PRKCB: variants seen among roughly 807,000 people sequenced by gnomAD.
The protein encoded by PRKCB is protein kinase C beta.
PRKCB carries 13 observed loss-of-function variants against 81.5 expected under a neutral mutation model. The ratio of observed to expected loss-of-function variants is 0.16; its 90% CI spans 0.10 to 0.25. The LOEUF (loss-of-function observed/expected upper bound fraction) is 0.25, where lower values mean the gene tolerates loss of function less well. Among genes scored for constraint, PRKCB ranks in the 10% least tolerant of loss-of-function variants. The probability of loss-of-function intolerance (pLI) is 1.00; values close to 1 mark genes in which losing one functional copy is unlikely to be tolerated. For synonymous variants in PRKCB, 335 were observed against 321.4 expected (o/e 1.04, Z -0.45); for missense variants, 509 against 875.7 (o/e 0.58, Z 5.29).
At chr16:24,213,242 C>A (rs146071361) in intron 16 of PRKCB, among the ~76,000 whole-genome samples, 1,591 of 151,996 alleles carry the variant, frequency 0.01, 12 homozygotes, top group Middle Eastern at 0.041. Context: ...ATCATGTTGG[C>A]TAGGATGGTC....
intron 2 of PRKCB, among the ~76,000 whole-genome samples, chr16:23,886,417 T>TTTTTTTG (rs1567302688): frequency 4.3e-5 from 6 of 140,192 alleles, no homozygotes; most frequent in African/African-American, 1.6e-4. Flanking sequence ...TTTTTTTTTT[T>TTTTTTTG]TTTTTTTTTT....
At chr16:24,007,332 T>A (rs189534301) in intron 3 of PRKCB, among the ~76,000 whole-genome samples, 1 of 152,220 alleles carries the variant, frequency 6.6e-6, no homozygotes, top group African/African-American at 2.4e-5. Flanking sequence ...AGTCCATCCT[T>A]ATTTTTGGAA....
At chr16:24,194,954 C>T (rs1237463345) in intron 16 of PRKCB, among the ~76,000 whole-genome samples, 1 of 152,066 alleles carries the variant, frequency 6.6e-6, no homozygotes, top group African/African-American at 2.4e-5. Context: ...CTGTAATCCC[C>T]ACACTTTGGA....
intron 12 of PRKCB, among the ~76,000 whole-genome samples, chr16:24,177,505 C>T (rs538561519): frequency 1.3e-5 from 2 of 152,166 alleles, no homozygotes; most frequent in Non-Finnish European, 2.9e-5. Flanking sequence ...GACAGATACT[C>T]ATTTCACAGC....
intron 2 of PRKCB, among the ~76,000 whole-genome samples, chr16:23,932,768 T>C (rs534909945): frequency 2.1e-4 from 32 of 152,376 alleles, no homozygotes; most frequent in Admixed American, 6.5e-4. Context: ...CAAACTGCTG[T>C]TCCTTTCCCT....
chr16:23,933,408 TGC>T lies in PRKCB; in HGVS notation c.206-55099_206-55098del, dbSNP rs558540415. Among the ~76,000 whole-genome samples, 16 of 152,280 alleles carry T rather than the reference TGC, an allele frequency of 1.1e-4. No individual in the cohort carries two copies. The South Asian group carries it at 2.7e-3, about 26-fold the overall frequency. ...ATTGATGAGCCCCTTTTGGTTAAGTTGCATATGGTTGGCTCTTCTGTTAATTC... is the reference window on the plus strand; with the variant it reads ...ATTGATGAGCCCCTTTTGGTTAAGTTATATGGTTGGCTCTTCTGTTAATTC... On this transcript the variant is annotated intron_variant, in intron 2 of 16. Transcript: ENST00000643927.
At chr16:24,077,365 A>T (rs1966191256) in intron 5 of PRKCB, among the ~76,000 whole-genome samples, 1 of 151,482 alleles carries the variant, frequency 6.6e-6, no homozygotes, top group Admixed American at 6.6e-5. Flanking sequence ...GACCCACCTA[A>T]CCCATCCATC....
At chr16:23,865,499 A>G (rs1235075327) in intron 2 of PRKCB, among the ~76,000 whole-genome samples, 5 of 13,252 alleles carry the variant, frequency 3.8e-4, no homozygotes, top group East Asian at 3.4e-3. Flanking sequence ...ATATATATAT[A>G]TATATATATA....
At chr16:23,862,870 G>A (rs1316440764) in intron 2 of PRKCB, among the ~76,000 whole-genome samples, 1 of 152,020 alleles carries the variant, frequency 6.6e-6, no homozygotes, top group African/African-American at 2.4e-5. Context: ...ACAGTTAAGG[G>A]AACAGATTGA....
chr16:24,183,033 TA>T (rs953272614), intron 13 of PRKCB, among the ~76,000 whole-genome samples: 6 of 152,152 alleles, frequency 3.9e-5, no homozygotes, highest in South Asian at 2.1e-4. Flanking sequence ...ATTTTTTTTG[TA>T]TTTTTTTAGT....
intron 15 of PRKCB, among the ~76,000 whole-genome samples, chr16:24,188,338 A>G (rs1283574359): frequency 1.3e-5 from 2 of 152,230 alleles, no homozygotes; most frequent in Non-Finnish European, 1.5e-5. Flanking sequence ...CCCAGGGGAT[A>G]CGTCTGGGAG....
Position 24,180,948 on chromosome 16 carries a change from C to G in PRKCB, c.1533+20C>G. 1 of 1,612,228 alleles carries G rather than the reference C, an allele frequency of 6.2e-7. No individual in the cohort carries two copies. ...CCCGAGGTGAGAGCTGCTGGGCACA[C>G]GTTCACATTGCGGTGATGTACCCTC... On this transcript the variant is annotated intron_variant, in intron 13 of 16. Transcript: ENST00000643927.
At chr16:24,126,753 C>G (rs757553937) in intron 9 of PRKCB, among the ~76,000 whole-genome samples, 2 of 151,932 alleles carry the variant, frequency 1.3e-5, no homozygotes, top group African/African-American at 2.4e-5. Flanking sequence ...CCAGGCTGGT[C>G]TTGAACTCCT....
chr16:24,074,865 T>C (rs1318571235), intron 5 of PRKCB, among the ~76,000 whole-genome samples: 1 of 152,182 alleles, frequency 6.6e-6, no homozygotes, highest in Non-Finnish European at 1.5e-5. Flanking sequence ...CTCACACCTG[T>C]AATCCCAAAA....
In PRKCB at chr16:24,219,624, C is replaced by T; in HGVS notation, c.*4808C>T. ...GCATGGTAATAAGTAGCTTCCAATT[C>T]AATTCATCCTAAAGCCAAAGAAAAT... On this transcript the variant is annotated 3_prime_UTR_variant, in exon 17 of 17. Coordinates refer to ENST00000643927, the MANE Select transcript of PRKCB (RefSeq NM_002738.7). 9.5e-7 allele frequency: 1 copy of T among 1,050,298 alleles called. No homozygotes were observed. Among genetic ancestry groups the T allele is most frequent in the Non-Finnish European group, 1.1e-6 (1 of 872,714 alleles). 65.1% of individuals were successfully genotyped at this position (1,050,298 alleles called of 1,614,324 possible). A position where few individuals can be genotyped will look rare whatever the true frequency, so the allele number is the denominator to read the frequency against.
At chr16:24,212,778 C>A (rs955851896) in intron 16 of PRKCB, among the ~76,000 whole-genome samples, 1 of 151,644 alleles carries the variant, frequency 6.6e-6, no homozygotes, top group African/African-American at 2.4e-5. Flanking sequence ...AGAACCTGTG[C>A]TTCTGACTCC....
intron 5 of PRKCB, among the ~76,000 whole-genome samples, chr16:24,068,318 A>G (rs1396827334): frequency 2.6e-5 from 4 of 152,112 alleles, no homozygotes; most frequent in Admixed American, 2.0e-4. Flanking sequence ...CCCTCCCACT[A>G]TGATTTGGCC....
At chr16:24,045,347 T>C (rs1460722149) in intron 5 of PRKCB, among the ~76,000 whole-genome samples, 2 of 152,196 alleles carry the variant, frequency 1.3e-5, no homozygotes, top group Non-Finnish European at 2.9e-5. Context: ...GCATCTGCCT[T>C]GTGAGCTGGG....
chr16:23,841,379 G>C (rs1015811243), intron 2 of PRKCB, among the ~76,000 whole-genome samples: 1 of 152,080 alleles, frequency 6.6e-6, no homozygotes, highest in Non-Finnish European at 1.5e-5. Flanking sequence ...AGTGCTGGCT[G>C]TTTCTGTGGC....
Sources: gnomAD v4.1 joint callset for allele counts (sites outside exome capture counted in the v4.1 genomes callset) on GRCh38, gnomAD v4.1.1 for gene constraint, MANE v1.5 for transcripts, NCBI Gene and HGNC (gene_info 2026-07-23, HGNC 2026-07-21) for gene names.